Variants in SLC15A2 observed in about 807,000 individuals in gnomAD.
SLC15A2 encodes kidney H(+)/peptide cotransporter.
In SLC15A2, 77 loss-of-function variants were observed where a neutral mutation model predicts 95.5. That is an observed-to-expected ratio of 0.81 (90% CI 0.67 to 0.97). SLC15A2 has a LOEUF of 0.97. Ranked by LOEUF, SLC15A2 falls within the 50% of genes least tolerant of loss-of-function variation. SLC15A2 has a pLI of 0.00. For missense variants in SLC15A2, 893 were observed against 874.4 expected (o/e 1.02, Z -0.27); for synonymous variants, 306 against 306.9 (o/e 1.00, Z 0.03).
chr3:121,897,595 GC>G, intron 3 of SLC15A2, 66 bp downstream of exon 3: 1 of 1,547,652 alleles, frequency 6.5e-7, no homozygotes, highest in East Asian at 2.2e-5. Flanking sequence ...ATCACTTCTA[GC>G]CTCTTGCTTC....
intron 3 of SLC15A2, among the ~76,000 whole-genome samples, chr3:121,901,219 A>C (rs1007855418): frequency 1.3e-5 from 2 of 151,892 alleles, no homozygotes; most frequent in Non-Finnish European, 2.9e-5. Flanking sequence ...AGATTTCACC[A>C]TGTTGGCCAG....
At chr3:121,897,250 C>A in intron 2 of SLC15A2, 138 bp from the exon 3 acceptor site, 1 of 932,860 alleles carries the variant, frequency 1.1e-6, no homozygotes, top group Non-Finnish European at 1.6e-6. Flanking sequence ...AGTCACTTCT[C>A]AGTCATGTCA....
At chr3:121,907,111 A>T (rs1709664701) in intron 3 of SLC15A2, among the ~76,000 whole-genome samples, 1 of 152,096 alleles carries the variant, frequency 6.6e-6, no homozygotes, top group African/African-American at 2.4e-5. Context: ...ATCTTCCATC[A>T]CTGATACCCT....
At chr3:121,926,258 T>C (rs915915780) in intron 13 of SLC15A2, among the ~76,000 whole-genome samples, 3 of 152,156 alleles carry the variant, frequency 2.0e-5, no homozygotes, top group Non-Finnish European at 4.4e-5. Flanking sequence ...ATGTTGGATG[T>C]TGGAGGTGGG....
intron 14 of SLC15A2, 97 bp downstream of exon 14, chr3:121,927,936 C>A: frequency 1.2e-6 from 1 of 868,892 alleles, no homozygotes; most frequent in Non-Finnish European, 1.9e-6. Flanking sequence ...GGACCTAGCA[C>A]AGTACCTGTT....
chr3:121,906,590 A>G (rs1214802296), intron 3 of SLC15A2, among the ~76,000 whole-genome samples: 1 of 152,146 alleles, frequency 6.6e-6, no homozygotes, highest in African/African-American at 2.4e-5. Flanking sequence ...CTTGCCTGTA[A>G]AGGATTTTAT....
At chr3:121,925,725 A>G (rs752216220) in intron 13 of SLC15A2, among the ~76,000 whole-genome samples, 1 of 56,318 alleles carries the variant, frequency 1.8e-5, no homozygotes, top group Non-Finnish European at 3.3e-5. Flanking sequence ...AAGGGGCTAG[A>G]CTATATATAT....
At chr3:121,910,866 G>T (rs896223838) in intron 3 of SLC15A2, among the ~76,000 whole-genome samples, 11 of 152,130 alleles carry the variant, frequency 7.2e-5, no homozygotes, top group African/African-American at 2.4e-4. Context: ...TGCTGTTCAA[G>T]TTCTTTGAGA....
Position 121,941,131 on chromosome 3 carries a change from A to G in SLC15A2, c.*124A>G, listed in dbSNP as rs1559857213. 7 of 837,192 alleles carry G rather than the reference A, an allele frequency of 8.4e-6. No individual in the cohort carries two copies. The highest frequency in any genetic ancestry group is 7.0e-5 in the African/African-American group (4 of 57,156). 51.9% of individuals were successfully genotyped at this position (837,192 alleles called of 1,614,324 possible). A position where few individuals can be genotyped will look rare whatever the true frequency, so the allele number is the denominator to read the frequency against. ...AGCTGATCTCCTCCACCTTTCTCCA[A>G]TGACAGAAGTTCCAGGACTGGTTTT... On this transcript the variant is annotated 3_prime_UTR_variant, in exon 22 of 22. Transcript: ENST00000489711.
chr3:121,922,125 G>T (rs1004602919), intron 7 of SLC15A2, 95 bp from the exon 8 acceptor site: 16 of 939,702 alleles, frequency 1.7e-5, no homozygotes, highest in Non-Finnish European at 2.7e-5. Flanking sequence ...AGTTATTGTG[G>T]TTTTTGCCAT....
At chr3:121,911,741 A>G in intron 4 of SLC15A2, 75 bp downstream of exon 4, 1 of 977,138 alleles carries the variant, frequency 1.0e-6, no homozygotes, top group Non-Finnish European at 1.6e-6. Flanking sequence ...TTTTCTTACC[A>G]GAGATGTCTC....
In SLC15A2 at chr3:121,941,160, G is replaced by C. The variant is rs1040894644; in HGVS notation, c.*153G>C. 1 of 662,228 alleles carries C rather than the reference G, an allele frequency of 1.5e-6. No homozygotes were observed. The highest frequency in any genetic ancestry group is 2.5e-6 in the Non-Finnish European group (1 of 397,380). The allele number at this position is 662,228 out of a possible 1,614,324, so 41.0% of individuals were successfully genotyped here. ...CAGAAGTTCCAGGACTGGTTTTCCAGTACATCTTTAAACAAGGCCCCAGAG... is the reference window on the plus strand; with the variant it reads ...CAGAAGTTCCAGGACTGGTTTTCCACTACATCTTTAAACAAGGCCCCAGAG... On this transcript the variant is annotated 3_prime_UTR_variant, in exon 22 of 22. Transcript: ENST00000489711.
intron 3 of SLC15A2, among the ~76,000 whole-genome samples, chr3:121,904,894 C>A (rs1332395123): frequency 6.6e-6 from 1 of 152,152 alleles, no homozygotes; most frequent in East Asian, 1.9e-4. Context: ...CTCTCTTTTT[C>A]TATTGATTGG....
intron 3 of SLC15A2, among the ~76,000 whole-genome samples, chr3:121,903,705 T>A (rs1466466996): frequency 6.6e-6 from 1 of 152,184 alleles, no homozygotes; most frequent in Non-Finnish European, 1.5e-5. Flanking sequence ...GTTCCATTGG[T>A]CTATATATGT....
chr3:121,913,097 G>T lies in SLC15A2; in HGVS notation c.505G>T (p.Gly169Ter). The T allele has an allele frequency of 3.1e-6, 5 of 1,613,756 alleles. No individual in the cohort carries two copies. Among genetic ancestry groups the T allele is most frequent in the Non-Finnish European group, 4.2e-6 (5 of 1,179,750 alleles). ...GIKPCVAAFG[G>*]DQFEEKHAEE... is the part of the protein sequence containing the mutation. ...CAAACCCTGTGTGGCAGCTTTTGGTGGAGACCAGTTTGAAGAAAAACATGT... is the reference window on the plus strand; with the variant it reads ...CAAACCCTGTGTGGCAGCTTTTGGTTGAGACCAGTTTGAAGAAAAACATGT... The change falls in exon 5 of 22, where the codon GGA becomes TGA. Residue 169 changes from glycine (G) to a stop codon, truncating the protein, a stop_gained. Coordinates refer to ENST00000489711, the MANE Select transcript of SLC15A2 (RefSeq NM_021082.4). LOFTEE classifies it high-confidence loss of function.
chr3:121,941,059 T>A lies in SLC15A2; in HGVS notation c.*52T>A. On this transcript the variant is annotated 3_prime_UTR_variant, in exon 22 of 22. Coordinates refer to ENST00000489711, the MANE Select transcript of SLC15A2 (RefSeq NM_021082.4). The stretch of plus-strand genomic sequence containing the variant: ...CAATTCCTGGCCCTGTCTTGAAGCA[T>A]TTTTTTTCTTCTACTGGATTAGACA... 2.7e-6 allele frequency: 4 copies of A among 1,498,622 alleles called. No homozygotes were observed. The highest frequency in any genetic ancestry group is 3.6e-6 in the Non-Finnish European group (4 of 1,104,622). The allele number at this position is 1,498,622 out of a possible 1,614,324, so 92.8% of individuals were successfully genotyped here. A position where few individuals can be genotyped will look rare whatever the true frequency, so the allele number is the denominator to read the frequency against.
intron 2 of SLC15A2, among the ~76,000 whole-genome samples, 168 bp downstream of exon 2, chr3:121,896,661 A>G (rs2107563945): frequency 6.6e-6 from 1 of 152,098 alleles, no homozygotes; most frequent in African/African-American, 2.4e-5. Flanking sequence ...CTCTCATAGG[A>G]TTTCACCTAA....
intron 19 of SLC15A2, among the ~76,000 whole-genome samples, chr3:121,934,101 T>A (rs1710288511): frequency 6.6e-6 from 1 of 152,164 alleles, no homozygotes; most frequent in Non-Finnish European, 1.5e-5. Context: ...CTGAGGGCTC[T>A]GTTCTGTTCC....
intron 3 of SLC15A2, among the ~76,000 whole-genome samples, chr3:121,906,854 G>A (rs557345403): frequency 2.6e-5 from 4 of 151,984 alleles, no homozygotes; most frequent in Non-Finnish European, 4.4e-5. Context: ...TGCCCTTCTC[G>A]AGGAGTATCT....
Sources: allele counts gnomAD v4.1 joint callset (sites outside exome capture counted in the v4.1 genomes callset), GRCh38; gene constraint gnomAD v4.1.1; transcripts MANE v1.5; gene names NCBI Gene and HGNC (gene_info 2026-07-23, HGNC 2026-07-21).